KANK1: variants seen among roughly 807,000 people sequenced by gnomAD.
KANK1 encodes KN motif and ankyrin repeat domains 1.
In KANK1, 109 loss-of-function variants were observed where a neutral mutation model predicts 106.2. That is an observed-to-expected ratio of 1.03 (90% CI 0.88 to 1.20). KANK1 has a LOEUF of 1.20. KANK1 is among the 50% of genes most tolerant of loss of function. The pLI, the probability that KANK1 is intolerant of heterozygous loss-of-function variation, is 0.00. For synonymous variants in KANK1, 873 were observed against 652.2 expected (o/e 1.34, Z -5.16); for missense variants, 2,399 against 1,710.7 (o/e 1.40, Z -7.10).
chr9:680,085 G>C (rs1296725650), intron 2 of KANK1, among the ~76,000 whole-genome samples: 1 of 152,164 alleles, frequency 6.6e-6, no homozygotes, highest in Non-Finnish European at 1.5e-5. Flanking sequence ...TTTGGGTTTA[G>C]TAGGAGTTTC....
At chr9:544,598 G>A (rs1387653123) in intron 1 of KANK1, among the ~76,000 whole-genome samples, 2 of 152,164 alleles carry the variant, frequency 1.3e-5, no homozygotes, top group African/African-American at 4.8e-5. Context: ...TGGGGAACCA[G>A]ACAGATATGC....
At chr9:696,145 G>A (rs557533235) in intron 2 of KANK1, among the ~76,000 whole-genome samples, 238 of 152,210 alleles carry the variant, frequency 1.6e-3, no homozygotes, top group South Asian at 6.6e-3. Context: ...TTAGCCGGGC[G>A]TGGTGGCGGG....
chr9:605,407 G>A lies in KANK1; in HGVS notation c.-83-71483G>A, dbSNP rs869952. Among the ~76,000 whole-genome samples the A allele has an allele frequency of 1.2e-3, 185 of 151,822 alleles. 9 individuals carry two copies. The highest frequency in any genetic ancestry group is 4.2e-3 in the African/African-American group (174 of 41,152). On this transcript the variant is annotated intron_variant, in intron 1 of 11. Transcript: ENST00000382297. ...ATGTTAAGCTCTGAATTCAGATGAA[G>A]GGGCATCTAAAACAGGCAGAGAGCA...
intron 1 of KANK1, among the ~76,000 whole-genome samples, chr9:530,366 AT>A (rs1253947848): frequency 6.6e-6 from 1 of 152,164 alleles, no homozygotes; most frequent in Non-Finnish European, 1.5e-5. Context: ...ATATTTTTAT[AT>A]TTAAATTATT....
chr9:733,668 G>C (rs866487861), intron 6 of KANK1: 19 of 152,292 alleles, frequency 1.2e-4, no homozygotes, highest in African/African-American at 3.4e-4. Flanking sequence ...AGCTGCTCTG[G>C]AGGATAAGGT....
intron 1 of KANK1, among the ~76,000 whole-genome samples, chr9:670,325 C>A (rs1015773906): frequency 6.6e-6 from 1 of 152,156 alleles, no homozygotes; most frequent in East Asian, 1.9e-4. Flanking sequence ...TTATTCCAAT[C>A]TTCTCTGTCT....
At chr9:473,097 T>C (rs996356538) in intron 2 of KANK1, 2 of 152,232 alleles carry the variant, frequency 1.3e-5, no homozygotes, top group African/African-American at 4.8e-5. Flanking sequence ...GAGTTTGCAG[T>C]GAGTGGTCAC....
At chr9:530,605 G>T (rs1195636046) in intron 1 of KANK1, among the ~76,000 whole-genome samples, 1 of 152,130 alleles carries the variant, frequency 6.6e-6, no homozygotes, top group African/African-American at 2.4e-5. Flanking sequence ...TATTCTAATT[G>T]TTAAGAATAT....
rs1826557348 is a variant in KANK1, at chr9:712,836, C to T, written c.2070C>T (p.Thr690=). 1.9e-6 allele frequency: 3 copies of T among 1,613,828 alleles called. No homozygotes were observed. Among genetic ancestry groups the T allele is most frequent in the South Asian group, 2.2e-5 (2 of 91,038 alleles). The stretch of plus-strand genomic sequence containing the variant: ...AGTTCACCAACACCGAGACGGCCAC[C>T]CTCATAGAGTCCTGCACCAACACTT... ...VHQFTNTETA[T]LIESCTNTCL... The change falls in exon 3 of 12, where the codon ACC becomes ACT. Residue 690 remains threonine (T), a synonymous_variant. Transcript: ENST00000382297.
intron 1 of KANK1, among the ~76,000 whole-genome samples, chr9:508,442 C>G (rs1470583303): frequency 6.6e-6 from 1 of 152,166 alleles, no homozygotes; most frequent in African/African-American, 2.4e-5. Flanking sequence ...CAGCCTGTAG[C>G]TATACATCTT....
intron 1 of KANK1, among the ~76,000 whole-genome samples, chr9:561,129 G>C (rs544523773): frequency 6.6e-6 from 1 of 152,272 alleles, no homozygotes; most frequent in East Asian, 1.9e-4. Flanking sequence ...GCCCTACCAG[G>C]AATAGTTGAA....
intron 11 of KANK1, 49 bp downstream of exon 11, chr9:744,638 C>G: frequency 1.9e-6 from 3 of 1,613,912 alleles, no homozygotes; most frequent in Non-Finnish European, 2.5e-6. Context: ...ATCCACCAGA[C>G]TGGTGGACCC....
At chr9:632,621 A>G (rs12337193) in intron 1 of KANK1, among the ~76,000 whole-genome samples, 2 of 151,816 alleles carry the variant, frequency 1.3e-5, no homozygotes, top group Admixed American at 1.3e-4. Context: ...CACACTGAGG[A>G]TTTATCTTGT....
At chr9:487,779 T>C (rs571708569) in intron 3 of KANK1, 1 of 152,312 alleles carries the variant, frequency 6.6e-6, no homozygotes, top group African/African-American at 2.4e-5. Context: ...TCTAGGCATG[T>C]CTGCACAGAC....
At chr9:548,728 AT>A (rs1304854887) in intron 1 of KANK1, among the ~76,000 whole-genome samples, 11 of 152,272 alleles carry the variant, frequency 7.2e-5, no homozygotes, top group South Asian at 6.2e-4. Context: ...TTTAATTAAA[AT>A]TTTTTTATCA....
chr9:553,653 G>C (rs1229911994), intron 1 of KANK1, among the ~76,000 whole-genome samples: 1 of 152,200 alleles, frequency 6.6e-6, no homozygotes, highest in Non-Finnish European at 1.5e-5. Flanking sequence ...CTGTTGTAAG[G>C]ATTTTGTTCC....
intron 3 of KANK1, among the ~76,000 whole-genome samples, chr9:727,218 A>T (rs1480621729): frequency 6.6e-6 from 1 of 152,218 alleles, no homozygotes; most frequent in Non-Finnish European, 1.5e-5. Context: ...CATCCTTAGG[A>T]TAAAACTTTT....
chr9:689,480 C>T (rs1588932056), intron 2 of KANK1, among the ~76,000 whole-genome samples: 1 of 152,282 alleles, frequency 6.6e-6, no homozygotes, highest in East Asian at 1.9e-4. Flanking sequence ...CTGAGCGGAT[C>T]CTGCTAATCC....
chr9:656,474 G>T (rs1012455882), intron 1 of KANK1, among the ~76,000 whole-genome samples: 1 of 152,088 alleles, frequency 6.6e-6, no homozygotes, highest in East Asian at 1.9e-4. Context: ...CTGACCAGGG[G>T]ACAAGGCTCT....
Sources: gnomAD v4.1 joint callset for allele counts (sites outside exome capture counted in the v4.1 genomes callset) on GRCh38, gnomAD v4.1.1 for gene constraint, MANE v1.5 for transcripts, NCBI Gene and HGNC (gene_info 2026-07-23, HGNC 2026-07-21) for gene names.